Variants in COL28A1 observed in about 807,000 individuals in gnomAD.
COL28A1 encodes collagen type XXVIII alpha 1 chain.
A neutral mutation model predicts 150.2 loss-of-function variants in COL28A1; 161 were observed. The observed-to-expected ratio is 1.07, with a 90% confidence interval of 0.94 to 1.22. COL28A1 has a LOEUF of 1.22. Ranked by LOEUF, COL28A1 falls within the 50% of genes most tolerant of loss-of-function variation. COL28A1 has a pLI of 0.00. For synonymous variants in COL28A1, 552 were observed against 469.7 expected (o/e 1.18, Z -2.26); for missense variants, 1,617 against 1,388.3 (o/e 1.16, Z -2.62).
chr7:7,404,248 C>A (rs1015297219), intron 27 of COL28A1, among the ~76,000 whole-genome samples: 5 of 152,028 alleles, frequency 3.3e-5, no homozygotes, highest in Non-Finnish European at 7.4e-5. Context: ...ACACTCCTAC[C>A]CCTCAGAGGT....
intron 13 of COL28A1, among the ~76,000 whole-genome samples, chr7:7,484,538 T>C (rs557608517): frequency 6.6e-6 from 1 of 151,834 alleles, no homozygotes; most frequent in African/African-American, 2.4e-5. Context: ...CTTAAAAAAG[T>C]TCAAAAATAA....
intron 3 of COL28A1, among the ~76,000 whole-genome samples, chr7:7,528,243 T>C (rs1782140325): frequency 6.6e-6 from 1 of 152,226 alleles, no homozygotes; most frequent in Non-Finnish European, 1.5e-5. Flanking sequence ...AATTTTCACA[T>C]ATCCTCTCTT....
chr7:7,513,153 A>C (rs1781239036), intron 8 of COL28A1, among the ~76,000 whole-genome samples: 1 of 152,170 alleles, frequency 6.6e-6, no homozygotes, highest in Non-Finnish European at 1.5e-5. Flanking sequence ...CACAACTGTA[A>C]CCTCCAATTA....
At chr7:7,417,835 TC>T (rs1289565329) in intron 27 of COL28A1, 23 bp downstream of exon 27, 1 of 1,603,590 alleles carries the variant, frequency 6.2e-7, no homozygotes, top group East Asian at 2.2e-5. Context: ...CAGAGGTGAC[TC>T]CAGCACAACC....
At chr7:7,374,034 A>T (rs1211979166) in intron 31 of COL28A1, among the ~76,000 whole-genome samples, 41 of 76,588 alleles carry the variant, frequency 5.4e-4, no homozygotes, top group Admixed American at 1.6e-3. Context: ...TAAAAAAAAA[A>T]AAAAATATAT....
chr7:7,532,690 A>C lies in COL28A1; in HGVS notation c.124+62T>G, dbSNP rs1782435161. On this transcript the variant is annotated intron_variant, in intron 2 of 34. Coordinates refer to ENST00000399429, the MANE Select transcript of COL28A1 (RefSeq NM_001037763.3). ...CTATTTATATCAAATGCTATTTAGA[A>C]AAATTCACATAAGTATTTTTAACAG... 4 of 1,560,846 alleles carry C rather than the reference A, an allele frequency of 2.6e-6. No homozygotes were observed. The South Asian group carries it at 3.6e-5, about 14-fold the overall frequency.
chr7:7,396,325 A>G (rs992755502), intron 27 of COL28A1, among the ~76,000 whole-genome samples: 1 of 152,164 alleles, frequency 6.6e-6, no homozygotes, highest in Non-Finnish European at 1.5e-5. Flanking sequence ...TAACCCTGGG[A>G]GCAAGTATAT....
rs114118248 is a variant in COL28A1 at position 7,384,266 on chromosome 7, G to C, written c.2137-2654C>G. 8.1e-3 allele frequency among the ~76,000 whole-genome samples: 1,232 copies of C among 152,292 alleles called. 23 individuals carry two copies. Among genetic ancestry groups the C allele is most frequent in the African/African-American group, 0.028 (1,183 of 41,546 alleles). ...TGGGTATGCAGTGTTGCACTACAAT[G>C]TCTTGGGCCCACCTAAGGAGGCTCA... On this transcript the variant is annotated intron_variant, in intron 27 of 34. Coordinates refer to ENST00000399429, the MANE Select transcript of COL28A1 (RefSeq NM_001037763.3).
At chr7:7,518,628 G>C (rs370658043) in intron 6 of COL28A1, among the ~76,000 whole-genome samples, 33 of 152,184 alleles carry the variant, frequency 2.2e-4, no homozygotes, top group African/African-American at 7.9e-4. Context: ...TTTGTGTCAA[G>C]TTACCTGCAA....
At chr7:7,392,803 G>A (rs183469569) in intron 27 of COL28A1, among the ~76,000 whole-genome samples, 13 of 152,120 alleles carry the variant, frequency 8.5e-5, no homozygotes, top group East Asian at 1.9e-4. Context: ...CGAAGTTCTC[G>A]TGCTGTGTTT....
At chr7:7,445,563 A>G (rs1786190254) in intron 18 of COL28A1, among the ~76,000 whole-genome samples, 1 of 152,186 alleles carries the variant, frequency 6.6e-6, no homozygotes, top group Non-Finnish European at 1.5e-5. Flanking sequence ...TGCCCTAACA[A>G]CACTTCCAGC....
intron 13 of COL28A1, among the ~76,000 whole-genome samples, chr7:7,481,537 A>T (rs144789023): frequency 6.6e-6 from 1 of 152,360 alleles, no homozygotes; most frequent in East Asian, 1.9e-4. Context: ...TTCTAAGGCC[A>T]TGAGAACCAA....
chr7:7,402,537 A>C (rs974097686), intron 27 of COL28A1, among the ~76,000 whole-genome samples: 1 of 152,220 alleles, frequency 6.6e-6, no homozygotes, highest in Admixed American at 6.5e-5. Flanking sequence ...TTAGAGAATC[A>C]AACTAGGGAG....
At chr7:7,359,548 T>G (rs1483763084) in intron 34 of COL28A1, among the ~76,000 whole-genome samples, 3 of 152,158 alleles carry the variant, frequency 2.0e-5, no homozygotes, top group Non-Finnish European at 4.4e-5. Flanking sequence ...GTGCCTTGAT[T>G]AGTATTTCCT....
intron 9 of COL28A1, among the ~76,000 whole-genome samples, chr7:7,509,762 G>A (rs1781021108): frequency 6.6e-6 from 1 of 151,966 alleles, no homozygotes; most frequent in African/African-American, 2.4e-5. Context: ...AGTTTTCCCA[G>A]GTATTCTTTG....
chr7:7,413,570 G>A (rs1213605800), intron 27 of COL28A1, among the ~76,000 whole-genome samples: 1 of 152,142 alleles, frequency 6.6e-6, no homozygotes, highest in Non-Finnish European at 1.5e-5. Context: ...TTATGAAGCA[G>A]GTATACCCCT....
intron 27 of COL28A1, among the ~76,000 whole-genome samples, chr7:7,401,122 T>C (rs1033279633): frequency 6.6e-6 from 1 of 151,928 alleles, no homozygotes; most frequent in Admixed American, 6.6e-5. Context: ...ATTAGCTCTC[T>C]GTGAAATATT....
At chr7:7,526,599 T>C (rs572481770) in intron 3 of COL28A1, among the ~76,000 whole-genome samples, 1 of 152,186 alleles carries the variant, frequency 6.6e-6, no homozygotes, top group African/African-American at 2.4e-5. Context: ...ATTTAAATAT[T>C]TGTCACTTTA....
intron 16 of COL28A1, among the ~76,000 whole-genome samples, chr7:7,454,603 G>A (rs1339012895): frequency 6.6e-6 from 1 of 152,064 alleles, no homozygotes; most frequent in African/African-American, 2.4e-5. Context: ...CCAAGGAACA[G>A]CATTAAAGGC....
Sources: allele counts gnomAD v4.1 joint callset (sites outside exome capture counted in the v4.1 genomes callset), GRCh38; gene constraint gnomAD v4.1.1; transcripts MANE v1.5; gene names NCBI Gene and HGNC (gene_info 2026-07-23, HGNC 2026-07-21).